The following C12orf56 variants were observed in gnomAD, a reference collection of about 807,000 sequenced individuals.
C12orf56 encodes chromosome 12 open reading frame 56.
C12orf56 carries 71 observed loss-of-function variants against 69.9 expected under a neutral mutation model. The ratio of observed to expected loss-of-function variants is 1.02; its 90% CI spans 0.84 to 1.24. The LOEUF (loss-of-function observed/expected upper bound fraction) is 1.24, where lower values mean the gene tolerates loss of function less well. C12orf56 is among the 50% of genes most tolerant of loss of function. The pLI is 0.00. For missense variants in C12orf56, 732 were observed against 738.5 expected (o/e 0.99, Z 0.10); for synonymous variants, 276 against 274.1 (o/e 1.01, Z -0.07).
intron 1 of C12orf56, among the ~76,000 whole-genome samples, chr12:64,364,755 C>G (rs1429286819): frequency 6.6e-6 from 1 of 151,976 alleles, no homozygotes; most frequent in Non-Finnish European, 1.5e-5. Flanking sequence ...GTTTCTGAAT[C>G]CTGTGAGTCC....
intron 11 of C12orf56, among the ~76,000 whole-genome samples, chr12:64,272,552 A>G (rs60195424): frequency 0.052 from 7,681 of 147,192 alleles, 668 homozygotes; most frequent in African/African-American, 0.18. Context: ...GAAGGCTTAC[A>G]TGGGAAATGA....
At chr12:64,332,432 C>T (rs546865968) in intron 2 of C12orf56, among the ~76,000 whole-genome samples, 2 of 152,136 alleles carry the variant, frequency 1.3e-5, no homozygotes, top group South Asian at 2.1e-4. Context: ...GAATAATCCA[C>T]CTCTTCAACC....
intron 5 of C12orf56, among the ~76,000 whole-genome samples, chr12:64,305,996 G>A (rs1243831009): frequency 1.3e-5 from 2 of 152,066 alleles, no homozygotes; most frequent in South Asian, 2.1e-4. Flanking sequence ...GCTAAGATCC[G>A]CAACAAAAAT....
chr12:64,350,237 C>CTCTATATA (rs2135948021), intron 2 of C12orf56, among the ~76,000 whole-genome samples: 1 of 152,108 alleles, frequency 6.6e-6, no homozygotes, highest in Admixed American at 6.6e-5. Flanking sequence ...CACAAATTAC[C>CTCTATATA]ACTAAAGAAC....
At chr12:64,303,086 G>A (rs533252725) in intron 6 of C12orf56, among the ~76,000 whole-genome samples, 31 of 151,958 alleles carry the variant, frequency 2.0e-4, no homozygotes, top group Middle Eastern at 3.4e-3. Context: ...CAACCTGGCC[G>A]ACATGGTGAA....
intron 1 of C12orf56, among the ~76,000 whole-genome samples, chr12:64,377,192 AC>A (rs1459013141): frequency 4.7e-5 from 6 of 128,692 alleles, no homozygotes; most frequent in Non-Finnish European, 9.9e-5. Flanking sequence ...TCCTTTGCCC[AC>A]TTTTTTTTTT....
chr12:64,316,624 A>G (rs2038695152), intron 4 of C12orf56, among the ~76,000 whole-genome samples: 1 of 152,042 alleles, frequency 6.6e-6, no homozygotes, highest in Non-Finnish European at 1.5e-5. Context: ...ATTTATTTCA[A>G]TGGTCATAGA....
chr12:64,384,061 G>A (rs947128565), intron 1 of C12orf56, among the ~76,000 whole-genome samples: 1 of 152,180 alleles, frequency 6.6e-6, no homozygotes, highest in African/African-American at 2.4e-5. Flanking sequence ...TGTATCACAT[G>A]AATGATCTCA....
intron 1 of C12orf56, among the ~76,000 whole-genome samples, chr12:64,362,081 G>A (rs911555964): frequency 2.6e-5 from 4 of 151,828 alleles, no homozygotes; most frequent in African/African-American, 9.7e-5. Flanking sequence ...GACTCGCCTC[G>A]AATTCTTTCT....
At chr12:64,282,725 G>A (rs1469045762) in intron 8 of C12orf56, among the ~76,000 whole-genome samples, 4 of 151,238 alleles carry the variant, frequency 2.6e-5, no homozygotes, top group Non-Finnish European at 5.9e-5. Flanking sequence ...AGCTAAGATC[G>A]TGTCACTGCA....
Position 64,270,642 on chromosome 12 carries a change from AG to A in C12orf56, c.1656del (p.Cys553AlafsTer23). 6.2e-7 allele frequency: 1 copy of A among 1,613,868 alleles called. No individual in the cohort carries two copies. The highest frequency in any genetic ancestry group is 8.5e-7 in the Non-Finnish European group (1 of 1,179,820). ...GLSASFQLLSPCQAVLLYQQF... is the reference protein window; with the variant it reads ...GLSASFQLLSXCQAVLLYQQF... ...TGCTGGTACAACAGAACTGCTTGGC[AG>A]GGACTTAGCAGCTGAAATGAAGCTG... On this transcript the variant is annotated frameshift_variant, in exon 12 of 13. Coordinates refer to ENST00000543942, the MANE Select transcript of C12orf56 (RefSeq NM_001170633.2). LOFTEE classifies it high-confidence loss of function.
intron 1 of C12orf56, among the ~76,000 whole-genome samples, chr12:64,362,563 G>A (rs1292004664): frequency 6.6e-6 from 1 of 152,002 alleles, no homozygotes; most frequent in Admixed American, 6.6e-5. Context: ...ATGGTTTTGG[G>A]TGCCTGTAAT....
At chr12:64,341,015 T>C (rs1165177310) in intron 2 of C12orf56, among the ~76,000 whole-genome samples, 1 of 152,152 alleles carries the variant, frequency 6.6e-6, no homozygotes, top group Non-Finnish European at 1.5e-5. Context: ...CTTAACTCCA[T>C]TGTGGAGTTG....
intron 2 of C12orf56, among the ~76,000 whole-genome samples, chr12:64,342,518 G>C (rs1049677091): frequency 2.6e-5 from 4 of 152,208 alleles, no homozygotes; most frequent in Non-Finnish European, 5.9e-5. Context: ...AGAGAAGGCA[G>C]GGTGGCAGAA....
At chr12:64,282,078 G>A (rs1197100640) in intron 8 of C12orf56, among the ~76,000 whole-genome samples, 4 of 152,222 alleles carry the variant, frequency 2.6e-5, no homozygotes, top group African/African-American at 9.7e-5. Flanking sequence ...TATTCAAGCT[G>A]GGCGCAGTGG....
At chr12:64,299,974 T>C (rs1041040303) in intron 6 of C12orf56, among the ~76,000 whole-genome samples, 1 of 152,180 alleles carries the variant, frequency 6.6e-6, no homozygotes, top group Non-Finnish European at 1.5e-5. Context: ...AATAGCCACA[T>C]GTGGCTAGTG....
intron 8 of C12orf56, among the ~76,000 whole-genome samples, chr12:64,278,312 T>C (rs2038081902): frequency 6.6e-6 from 1 of 152,104 alleles, no homozygotes; most frequent in Admixed American, 6.6e-5. Flanking sequence ...CTTTTTTCTT[T>C]TTTTAGGTTT....
At chr12:64,315,205 G>A (rs1227051597) in intron 4 of C12orf56, among the ~76,000 whole-genome samples, 2 of 151,800 alleles carry the variant, frequency 1.3e-5, no homozygotes, top group African/African-American at 4.8e-5. Flanking sequence ...AACTGCCTCA[G>A]CCACCCAACC....
intron 3 of C12orf56, among the ~76,000 whole-genome samples, chr12:64,325,655 C>A (rs1008013739): frequency 7.9e-5 from 12 of 152,062 alleles, no homozygotes; most frequent in African/African-American, 2.9e-4. Flanking sequence ...GATGAGTTGG[C>A]CTGAAACAGC....
Sources: gnomAD v4.1 joint callset for allele counts (sites outside exome capture counted in the v4.1 genomes callset) on GRCh38, gnomAD v4.1.1 for gene constraint, MANE v1.5 for transcripts, NCBI Gene and HGNC (gene_info 2026-07-23, HGNC 2026-07-21) for gene names.